The following HOXC12 variants were observed in gnomAD, a reference collection of about 807,000 sequenced individuals.
The protein encoded by HOXC12 is homeobox C12, also known as homeobox protein Hox-C12.
In HOXC12, 24 loss-of-function variants were observed where a neutral mutation model predicts 20.9. The observed-to-expected ratio is 1.15, with a 90% CI of 0.83 to 1.61. The LOEUF is 1.61. HOXC12 is among the 40% of genes most tolerant of loss of function. The pLI is 0.00. For missense variants in HOXC12, 436 were observed against 406.9 expected (o/e 1.07, Z -0.62); for synonymous variants, 202 against 197.7 (o/e 1.02, Z -0.18).
intron 1 of HOXC12, 28 bp downstream of exon 1, chr12:53,955,567 G>A (rs1281236760): frequency 1.4e-6 from 2 of 1,388,062 alleles, no homozygotes; most frequent in East Asian, 3.1e-5. Flanking sequence ...TCAAGCGGCG[G>A]ATTCAAACCC....
chr12:53,956,177 G>A (rs1421436240), intron 1 of HOXC12, 151 bp from the exon 2 acceptor site: 2 of 599,432 alleles, frequency 3.3e-6, no homozygotes, highest in East Asian at 5.9e-5. Flanking sequence ...TAGAAAAGAC[G>A]ATTCAGATGA....
Position 53,956,315 on chromosome 12 carries a change from C to A in HOXC12, c.611-13C>A. ...GATCCTTTGGCCAACCCCTGCCATT[C>A]ATCTCCACCCAGGCGCGCCCTGGTA... On this transcript the variant is annotated splice_polypyrimidine_tract_variant and intron_variant, in intron 1 of 1. Coordinates refer to ENST00000243103, the MANE Select transcript of HOXC12 (RefSeq NM_173860.3). 6.4e-7 allele frequency: 1 copy of A among 1,569,332 alleles called. No individual in the cohort carries two copies.
chr12:53,956,552 C>T lies in HOXC12; in HGVS notation c.835C>T (p.Leu279Phe). The T allele has an allele frequency of 6.2e-7, 1 of 1,611,834 alleles. No individual in the cohort carries two copies. The highest frequency in any genetic ancestry group is 1.7e-5 in the Admixed American group (1 of 59,564). ...KKRLLLREQA[L>F]SFF The stretch of plus-strand genomic sequence containing the variant: ...AAGACTTCTGTTGAGGGAGCAAGCT[C>T]TCTCCTTCTTTTAAGGTGCAGGACA... The change falls in exon 2 of 2, where the codon CTC becomes TTC. Residue 279 changes from leucine to phenylalanine, a missense_variant. By Grantham distance (22) the Leu-to-Phe change is conservative. Coordinates refer to ENST00000243103, the MANE Select transcript of HOXC12 (RefSeq NM_173860.3).
intron 1 of HOXC12, among the ~76,000 whole-genome samples, chr12:53,955,860 C>T (rs567390199): frequency 6.6e-6 from 1 of 152,150 alleles, no homozygotes; most frequent in South Asian, 2.1e-4. Context: ...GGCGCCTCTC[C>T]CTCCACCTTC....
rs764039404 is a variant in HOXC12 at position 53,956,741 on chromosome 12, C to A, written c.*175C>A. 3.9e-6 allele frequency: 2 copies of A among 506,520 alleles called. No individual in the cohort carries two copies. Among genetic ancestry groups the A allele is most frequent in the Non-Finnish European group, 7.0e-6 (2 of 287,576 alleles). 31.4% of individuals were successfully genotyped at this position (506,520 alleles called of 1,614,324 possible). A position where few individuals can be genotyped will look rare whatever the true frequency, so the allele number is the denominator to read the frequency against. On this transcript the variant is annotated 3_prime_UTR_variant, in exon 2 of 2. Transcript: ENST00000243103. ...TCCCTCCCATACACACCCAAAACAC[C>A]CTGCCAGGTCCCAGAGAGAAGGGAA...
rs1282579837 is a variant in HOXC12, at chr12:53,956,453, G to C, written c.736G>C (p.Glu246Gln). Residue 246 changes from glutamate (E) to glutamine (Q), a missense_variant, in exon 2 of 2, where the codon GAA becomes CAA. Physicochemically the swap from Glu to Gln is conservative, Grantham distance 29. Transcript: ENST00000243103. ...GTTCATCACACGCCAGCGCCGGAGG[G>C]AACTCTCAGACCGCTTGAATCTTAG... is the stretch of plus-strand genomic sequence containing the variant. ...NEFITRQRRR[E>Q]LSDRLNLSDQ... 2.5e-6 allele frequency: 4 copies of C among 1,614,062 alleles called. No homozygotes were observed. Among genetic ancestry groups the C allele is most frequent in the African/African-American group, 2.7e-5 (2 of 74,942 alleles).
intron 1 of HOXC12, among the ~76,000 whole-genome samples, 198 bp downstream of exon 1, chr12:53,955,737 G>C (rs1938855906): frequency 6.6e-6 from 1 of 152,084 alleles, no homozygotes; most frequent in South Asian, 2.1e-4. Context: ...TTCCTTTTTC[G>C]TCTGCCTGCG....
At position 53,956,578 on chromosome 12, in the gene HOXC12, CG is replaced by C; in HGVS notation, c.*15del. The C allele has an allele frequency of 6.3e-7, 1 of 1,585,146 alleles. No individual in the cohort carries two copies. Among genetic ancestry groups the C allele is most frequent in the Non-Finnish European group, 8.6e-7 (1 of 1,162,098 alleles). Reference sequence around the variant, plus strand: ...TCTCCTTCTTTTAAGGTGCAGGACACGGGCGCCAGCCCCAGACTGAGCCTGT... The same window carrying C: ...TCTCCTTCTTTTAAGGTGCAGGACACGGCGCCAGCCCCAGACTGAGCCTGT... On this transcript the variant is annotated 3_prime_UTR_variant, in exon 2 of 2. Coordinates refer to ENST00000243103, the MANE Select transcript of HOXC12 (RefSeq NM_173860.3).
Position 53,956,762 on chromosome 12 carries a change from G to A in HOXC12, c.*196G>A. On this transcript the variant is annotated 3_prime_UTR_variant, in exon 2 of 2. Transcript: ENST00000243103. ...ACACCCTGCCAGGTCCCAGAGAGAA[G>A]GGAAGAAACCTAGCCAGGGAGAGCA... 2.2e-6 allele frequency: 1 copy of A among 464,684 alleles called. No individual in the cohort carries two copies. The highest frequency in any genetic ancestry group is 3.8e-6 in the Non-Finnish European group (1 of 265,108). The allele number at this position is 464,684 out of a possible 1,614,324, so 28.8% of individuals were successfully genotyped here. A position where few individuals can be genotyped will look rare whatever the true frequency, so the allele number is the denominator to read the frequency against.
rs918302350 is a variant in HOXC12 at position 53,956,711 on chromosome 12, G to A, written c.*145G>A. 4.6e-6 allele frequency: 3 copies of A among 657,750 alleles called. No homozygotes were observed. Among genetic ancestry groups the A allele is most frequent in the African/African-American group, 1.8e-5 (1 of 54,624 alleles). The allele number at this position is 657,750 out of a possible 1,614,324, so 40.7% of individuals were successfully genotyped here. On this transcript the variant is annotated 3_prime_UTR_variant, in exon 2 of 2. Transcript: ENST00000243103. ...GGATATCCTCTTGTCTGTTTTGTTC[G>A]TGGTTCCCTCCCATACACACCCAAA...
In HOXC12 at chr12:53,956,907, A is replaced by C. The variant is rs1592190203; in HGVS notation, c.*341A>C. On this transcript the variant is annotated 3_prime_UTR_variant, in exon 2 of 2. Coordinates refer to ENST00000243103, the MANE Select transcript of HOXC12 (RefSeq NM_173860.3). ...TGAGGATCTGGAGAAGCAGCGGCCC[A>C]GATGTCCCCTTCCTCTACTTCCCTT... 4.8e-6 allele frequency: 1 copy of C among 207,782 alleles called. No individual in the cohort carries two copies. Among genetic ancestry groups the C allele is most frequent in the East Asian group, 1.1e-4 (1 of 9,376 alleles). The allele number at this position is 207,782 out of a possible 1,614,324, so 12.9% of individuals were successfully genotyped here.
At position 53,955,375 on chromosome 12, in the gene HOXC12, A is replaced by ACGGCGG. The variant is rs1044406145; in HGVS notation, c.455_460dup (p.Gly152_Gly153dup). ...TACGCGGCGGGCGGCGGCGGTGGCG[A>ACGGCGG]CGGCGGCGGCGGCGCAGGACCTCCG... is the stretch of plus-strand genomic sequence containing the variant. On this transcript the variant is annotated inframe_insertion, in exon 1 of 2. Coordinates refer to ENST00000243103, the MANE Select transcript of HOXC12 (RefSeq NM_173860.3). 3 of 1,422,926 alleles carry ACGGCGG rather than the reference A, an allele frequency of 2.1e-6. No homozygotes were observed. Among genetic ancestry groups the ACGGCGG allele is most frequent in the East Asian group, 3.3e-5 (1 of 30,512 alleles). 88.1% of individuals were successfully genotyped at this position (1,422,926 alleles called of 1,614,324 possible).
At chr12:53,955,581 C>T (rs10876524) in intron 1 of HOXC12, 42 bp downstream of exon 1, 1,149,972 of 1,368,256 alleles carry the variant, frequency 0.84, 486,328 homozygotes, top group Non-Finnish European at 0.86. Context: ...CAAACCCGAC[C>T]TCTTACCAGG....
chr12:53,955,680 G>A, intron 1 of HOXC12, 141 bp downstream of exon 1: 1 of 1,005,004 alleles, frequency 1.0e-6, no homozygotes. Context: ...TGCGGGTGGG[G>A]GGAGCCTATA....
At chr12:53,955,983 G>A (rs754918742) in intron 1 of HOXC12, among the ~76,000 whole-genome samples, 1 of 152,188 alleles carries the variant, frequency 6.6e-6, no homozygotes, top group African/African-American at 2.4e-5. Context: ...GGATGTGAGA[G>A]GAAGGGACCA....
In HOXC12 at chr12:53,955,388, C is replaced by T. The variant is rs766532491; in HGVS notation, c.459C>T (p.Gly153=). The T allele has an allele frequency of 4.0e-6, 6 of 1,491,112 alleles. No individual in the cohort carries two copies. In the Admixed American group the frequency reaches 1.3e-4, roughly 33 times the overall value. 92.4% of individuals were successfully genotyped at this position (1,491,112 alleles called of 1,614,324 possible). A position where few individuals can be genotyped will look rare whatever the true frequency, so the allele number is the denominator to read the frequency against. ...GCGGCGGTGGCGACGGCGGCGGCGG[C>T]GCAGGACCTCCGCACGACCCGCCCT... ...AGGGGGDGGG[G]AGPPHDPPSC... is the part of the protein sequence containing the mutation. The change falls in exon 1 of 2, where the codon GGC becomes GGT. Residue 153 remains glycine (G), a synonymous_variant. Transcript: ENST00000243103.
Position 53,958,221 on chromosome 12 carries a change from C to A in HOXC12, c.*1655C>A, listed in dbSNP as rs1336121469. 6.6e-6 allele frequency: 1 copy of A among 152,364 alleles called. No individual in the cohort carries two copies. Among genetic ancestry groups the A allele is most frequent in the Non-Finnish European group, 1.5e-5 (1 of 68,184 alleles). 9.4% of individuals were successfully genotyped at this position (152,364 alleles called of 1,614,324 possible). A position where few individuals can be genotyped will look rare whatever the true frequency, so the allele number is the denominator to read the frequency against. On this transcript the variant is annotated 3_prime_UTR_variant, in exon 2 of 2. Coordinates refer to ENST00000243103, the MANE Select transcript of HOXC12 (RefSeq NM_173860.3). Reference sequence around the variant, plus strand: ...CAAAGGCAATCCACCGAGCTTTTTACTCTCCCACCAGCACACAGCTTCTGT... The same window carrying A: ...CAAAGGCAATCCACCGAGCTTTTTAATCTCCCACCAGCACACAGCTTCTGT...
rs1366169593 is a variant in HOXC12, at chr12:53,955,153, T to C, written c.224T>C (p.Leu75Pro). 6.2e-7 allele frequency: 1 copy of C among 1,611,070 alleles called. No individual in the cohort carries two copies. Among genetic ancestry groups the C allele is most frequent in the Admixed American group, 1.7e-5 (1 of 59,874 alleles). The change falls in exon 1 of 2, where the codon CTC becomes CCC. Residue 75 changes from leucine (L) to proline (P), a missense_variant. By Grantham distance (98) the Leu-to-Pro change is moderately conservative. Coordinates refer to ENST00000243103, the MANE Select transcript of HOXC12 (RefSeq NM_173860.3). ...CCCTACCTCGGCAGCCCAGTGTCTCTCAACCCTCCCTTCGGCCGCACGTGC... is the reference window on the plus strand; with the variant it reads ...CCCTACCTCGGCAGCCCAGTGTCTCCCAACCCTCCCTTCGGCCGCACGTGC... Reference protein sequence around the residue: ...PQPYLGSPVSLNPPFGRTCEL... With the variant: ...PQPYLGSPVSPNPPFGRTCEL...
In HOXC12 at chr12:53,956,605, C is replaced by A; in HGVS notation, c.*39C>A. ...GGCGCCAGCCCCAGACTGAGCCTGTCCCTGGCAGAGAGCAAAAGAGGGCGC... is the reference window on the plus strand; with the variant it reads ...GGCGCCAGCCCCAGACTGAGCCTGTACCTGGCAGAGAGCAAAAGAGGGCGC... On this transcript the variant is annotated 3_prime_UTR_variant, in exon 2 of 2. Coordinates refer to ENST00000243103, the MANE Select transcript of HOXC12 (RefSeq NM_173860.3). 1 of 1,495,948 alleles carries A rather than the reference C, an allele frequency of 6.7e-7. No homozygotes were observed. The highest frequency in any genetic ancestry group is 9.1e-7 in the Non-Finnish European group (1 of 1,102,030). The allele number at this position is 1,495,948 out of a possible 1,614,324, so 92.7% of individuals were successfully genotyped here. A position where few individuals can be genotyped will look rare whatever the true frequency, so the allele number is the denominator to read the frequency against.
Sources: allele counts gnomAD v4.1 joint callset (sites outside exome capture counted in the v4.1 genomes callset), GRCh38; gene constraint gnomAD v4.1.1; transcripts MANE v1.5; gene names NCBI Gene and HGNC (gene_info 2026-07-23, HGNC 2026-07-21).